Variants in CGNL1 observed in about 807,000 individuals in gnomAD.
CGNL1 encodes cingulin like 1.
CGNL1 carries 132 observed loss-of-function variants against 141.2 expected under a neutral mutation model. The ratio of observed to expected loss-of-function variants is 0.93; its 90% confidence interval spans 0.81 to 1.08. The LOEUF is 1.08. Among genes scored for constraint, CGNL1 ranks in the 50% least tolerant of loss-of-function variants. The pLI, the probability that CGNL1 is intolerant of heterozygous loss-of-function variation, is 0.00. For missense variants in CGNL1, 1,870 were observed against 1,588.6 expected (o/e 1.18, Z -3.01); for synonymous variants, 690 against 622.1 (o/e 1.11, Z -1.63).
chr15:57,380,555 C>A (rs554210403), intron 1 of CGNL1, among the ~76,000 whole-genome samples: 7 of 152,232 alleles, frequency 4.6e-5, no homozygotes, highest in Admixed American at 3.9e-4. Context: ...TTCATTGGCA[C>A]AGGAGGCATA....
intron 1 of CGNL1, among the ~76,000 whole-genome samples, chr15:57,379,050 G>T (rs28504641): frequency 0.37 from 55,608 of 151,636 alleles, 10,529 homozygotes; most frequent in East Asian, 0.55. Context: ...TGTTTTTTTT[G>T]TGTGTGTGTG....
intron 8 of CGNL1, among the ~76,000 whole-genome samples, chr15:57,483,626 A>C (rs1203909686): frequency 6.6e-6 from 1 of 152,082 alleles, no homozygotes; most frequent in Non-Finnish European, 1.5e-5. Flanking sequence ...CTTATTACGC[A>C]GGCTAGAAGC....
At position 57,429,316 on chromosome 15, in the gene CGNL1, G is replaced by A. The variant is rs146202236; in HGVS notation, c.-15-8669G>A. 4.0e-3 allele frequency among the ~76,000 whole-genome samples: 610 copies of A among 152,272 alleles called. 6 individuals carry two copies. The highest frequency in any genetic ancestry group is 0.014 in the African/African-American group (577 of 41,558). On this transcript the variant is annotated intron_variant, in intron 1 of 18. Coordinates refer to ENST00000281282, the MANE Select transcript of CGNL1 (RefSeq NM_032866.5). ...ACATTTTGGCTTCAGTGTAGGTTTA[G>A]GTAAGTATCATATGTCAGGGATGGC...
intron 7 of CGNL1, among the ~76,000 whole-genome samples, chr15:57,457,293 C>T (rs1330232578): frequency 3.9e-5 from 6 of 152,178 alleles, no homozygotes; most frequent in African/African-American, 1.4e-4. Flanking sequence ...CCGTTCTCGA[C>T]ATCCTGGTGC....
chr15:57,426,350 G>A (rs528710076), intron 1 of CGNL1, among the ~76,000 whole-genome samples: 1 of 152,022 alleles, frequency 6.6e-6, no homozygotes, highest in South Asian at 2.1e-4. Flanking sequence ...TCACCATGTT[G>A]AACAGGCTGG....
intron 1 of CGNL1, among the ~76,000 whole-genome samples, chr15:57,434,746 G>A (rs1220598558): frequency 2.6e-5 from 4 of 152,132 alleles, no homozygotes; most frequent in African/African-American, 9.7e-5. Flanking sequence ...TAAAAAATAC[G>A]ATGGAAATTA....
At chr15:57,475,012 C>G (rs2063633728) in intron 8 of CGNL1, among the ~76,000 whole-genome samples, 1 of 152,226 alleles carries the variant, frequency 6.6e-6, no homozygotes, top group African/African-American at 2.4e-5. Context: ...CTGTCTGCTA[C>G]CCAGGTCTGT....
intron 1 of CGNL1, among the ~76,000 whole-genome samples, chr15:57,429,930 C>T (rs1226082689): frequency 6.6e-6 from 1 of 152,178 alleles, no homozygotes; most frequent in Non-Finnish European, 1.5e-5. Flanking sequence ...CCTATCTCAG[C>T]CGCCTGAGTA....
At chr15:57,421,238 T>C (rs1595685825) in intron 1 of CGNL1, among the ~76,000 whole-genome samples, 1 of 152,226 alleles carries the variant, frequency 6.6e-6, no homozygotes, top group African/African-American at 2.4e-5. Context: ...TTGGACTTCT[T>C]ACCTCAAGAA....
Position 57,490,432 on chromosome 15 carries a change from A to G in CGNL1, c.2404-26348A>G, listed in dbSNP as rs767018684. ...CACACGCACGCACGCGTGCGTGTGC[A>G]CTCACATTGATGAGGTATGGCACAG... On this transcript the variant is annotated intron_variant, in intron 8 of 18. Coordinates refer to ENST00000281282, the MANE Select transcript of CGNL1 (RefSeq NM_032866.5). 2.6e-5 allele frequency among the ~76,000 whole-genome samples: 4 copies of G among 152,108 alleles called. No individual in the cohort carries two copies. In the East Asian group the frequency reaches 7.8e-4, roughly 30 times the overall value.
At position 57,524,430 on chromosome 15, in the gene CGNL1, A is replaced by C. The variant is rs1260798206; in HGVS notation, c.2869-151A>C. ...CTGCTTCCAAGTCACAGGTGCCCAC[A>C]CCTGGCTGACTCAGGATCAGGTGCT... is the stretch of plus-strand genomic sequence containing the variant. On this transcript the variant is annotated intron_variant, in intron 11 of 18. Coordinates refer to ENST00000281282, the MANE Select transcript of CGNL1 (RefSeq NM_032866.5). 2.4e-5 allele frequency: 17 copies of C among 722,898 alleles called. No individual in the cohort carries two copies. The African/African-American group carries it at 3.0e-4, about 13-fold the overall frequency. The allele number at this position is 722,898 out of a possible 1,614,324, so 44.8% of individuals were successfully genotyped here. A position where few individuals can be genotyped will look rare whatever the true frequency, so the allele number is the denominator to read the frequency against.
chr15:57,521,123 C>T (rs1007050312), intron 10 of CGNL1, among the ~76,000 whole-genome samples: 23 of 152,266 alleles, frequency 1.5e-4, no homozygotes, highest in African/African-American at 5.5e-4. Flanking sequence ...GAGCGTTTCA[C>T]TCCTGATACT....
chr15:57,399,916 G>C (rs1217779894), intron 1 of CGNL1, among the ~76,000 whole-genome samples: 1 of 151,774 alleles, frequency 6.6e-6, no homozygotes, highest in Admixed American at 6.6e-5. Context: ...TTATTACTTG[G>C]AGATATCCTT....
intron 4 of CGNL1, among the ~76,000 whole-genome samples, chr15:57,449,323 C>T (rs1164835159): frequency 6.6e-6 from 1 of 152,248 alleles, no homozygotes; most frequent in Non-Finnish European, 1.5e-5. Flanking sequence ...CTGTTGCTTA[C>T]TATCTCTAAA....
rs78840669 is a variant in CGNL1, at chr15:57,483,262, A to C, written c.2403+21370A>C. Among the ~76,000 whole-genome samples, 3 of 152,322 alleles carry C rather than the reference A, an allele frequency of 2.0e-5. No homozygotes were observed. In the South Asian group the frequency reaches 6.2e-4, roughly 32 times the overall value. On this transcript the variant is annotated intron_variant, in intron 8 of 18. Transcript: ENST00000281282. ...ATCATTTGATTTTGTATTTTCAAGC[A>C]TACAAGTCCTGTATGTGTTGTGCTA...
chr15:57,384,241 A>T (rs1464372795), intron 1 of CGNL1, among the ~76,000 whole-genome samples: 1 of 152,128 alleles, frequency 6.6e-6, no homozygotes, highest in Non-Finnish European at 1.5e-5. Context: ...GATGGGGTAC[A>T]AAAGAGGGAG....
chr15:57,383,036 G>A (rs2062440568), intron 1 of CGNL1, among the ~76,000 whole-genome samples: 1 of 152,134 alleles, frequency 6.6e-6, no homozygotes, highest in African/African-American at 2.4e-5. Flanking sequence ...TGCCTGTGTG[G>A]TTTTTATCTT....
At chr15:57,437,102 C>T (rs2063114696) in intron 1 of CGNL1, among the ~76,000 whole-genome samples, 1 of 152,152 alleles carries the variant, frequency 6.6e-6, no homozygotes, top group South Asian at 2.1e-4. Flanking sequence ...TGAGGAACCT[C>T]GGAGTGTGAG....
intron 8 of CGNL1, among the ~76,000 whole-genome samples, chr15:57,508,743 C>G (rs1298432034): frequency 1.3e-5 from 2 of 152,216 alleles, no homozygotes; most frequent in African/African-American, 4.8e-5. Flanking sequence ...GTCCAATCAG[C>G]CTAGACCTCA....
Sources: gnomAD v4.1 joint callset for allele counts (sites outside exome capture counted in the v4.1 genomes callset) on GRCh38, gnomAD v4.1.1 for gene constraint, MANE v1.5 for transcripts, NCBI Gene and HGNC (gene_info 2026-07-23, HGNC 2026-07-21) for gene names.